Variants in ABAT observed in about 807,000 individuals in gnomAD.
The protein encoded by ABAT is 4-aminobutyrate aminotransferase.
In ABAT, 45 loss-of-function variants were observed where a neutral mutation model predicts 64.6. That is an observed-to-expected ratio of 0.70 (90% CI 0.55 to 0.89). The LOEUF is 0.89. ABAT is among the 40% of genes least tolerant of loss of function. ABAT has a pLI of 0.00. For synonymous variants in ABAT, 297 were observed against 250.5 expected (o/e 1.19, Z -1.75); for missense variants, 633 against 658.4 (o/e 0.96, Z 0.42).
At chr16:8,724,741 AAAAAC>A (rs1237692152) in intron 1 of ABAT, among the ~76,000 whole-genome samples, 101 of 4,370 alleles carry the variant, frequency 0.023, 10 homozygotes, top group African/African-American at 0.042. Context: ...GAAAAAAAAA[AAAAAC>A]AAAAAAAAAA....
At chr16:8,778,463 GTCT>G (rs1295559818) in intron 14 of ABAT, among the ~76,000 whole-genome samples, 1 of 152,084 alleles carries the variant, frequency 6.6e-6, no homozygotes, top group Non-Finnish European at 1.5e-5. Flanking sequence ...TCTCCAGATT[GTCT>G]TCTTCTTATA....
intron 1 of ABAT, among the ~76,000 whole-genome samples, chr16:8,726,321 C>T (rs1640985): frequency 0.26 from 37,947 of 144,364 alleles, 5,258 homozygotes; most frequent in Middle Eastern, 0.36. Context: ...AGTGCAGTGG[C>T]GCCATCTCGG....
intron 11 of ABAT, among the ~76,000 whole-genome samples, chr16:8,771,468 CTTTT>C (rs144671840): frequency 3.8e-5 from 5 of 130,054 alleles, no homozygotes; most frequent in Admixed American, 7.8e-5. Flanking sequence ...GTTTTTCTTT[CTTTT>C]TTTTTTTTTT....
intron 9 of ABAT, among the ~76,000 whole-genome samples, 160 bp downstream of exon 9, chr16:8,766,430 G>A (rs191688369): frequency 2.9e-4 from 44 of 152,274 alleles, no homozygotes; most frequent in Admixed American, 1.2e-3. Flanking sequence ...CAAGGCAGGC[G>A]GATCACCCAA....
chr16:8,749,900 A>G (rs560847511), intron 4 of ABAT, among the ~76,000 whole-genome samples: 1 of 151,562 alleles, frequency 6.6e-6, no homozygotes, highest in East Asian at 2.0e-4. Flanking sequence ...TTTTTAGTAG[A>G]TACAGGGTTT....
At chr16:8,676,581 C>A (rs950721318) in intron 1 of ABAT, among the ~76,000 whole-genome samples, 1 of 152,224 alleles carries the variant, frequency 6.6e-6, no homozygotes, top group Non-Finnish European at 1.5e-5. Context: ...CTGCTTACCC[C>A]GTGCGATCTT....
At chr16:8,732,612 T>A (rs1254053934) in intron 1 of ABAT, among the ~76,000 whole-genome samples, 1 of 151,584 alleles carries the variant, frequency 6.6e-6, no homozygotes, top group Non-Finnish European at 1.5e-5. Context: ...AAGTCTCCCA[T>A]GTCTACTTCT....
Position 8,768,853 on chromosome 16 carries a change from C to T in ABAT, c.696C>T (p.Ala232=). ...GCTTAGCGACCACGCACTCTAAAGC[C>T]ATTCACAAGATCGACATCCCTTCCT... ...MGCLATTHSK[A]IHKIDIPSFD... is the part of the protein sequence containing the mutation. The change falls in exon 11 of 16, where the codon GCC becomes GCT. Residue 232 remains alanine (A), a synonymous_variant. Transcript: ENST00000268251. 6.2e-7 allele frequency: 1 copy of T among 1,614,216 alleles called. No individual in the cohort carries two copies. Among genetic ancestry groups the T allele is most frequent in the Non-Finnish European group, 8.5e-7 (1 of 1,180,032 alleles).
intron 1 of ABAT, among the ~76,000 whole-genome samples, chr16:8,696,855 AG>A (rs1274102861): frequency 6.6e-6 from 1 of 152,200 alleles, no homozygotes; most frequent in Non-Finnish European, 1.5e-5. Flanking sequence ...GAAGCTCCTC[AG>A]GTTAAGTGAA....
Position 8,745,983 on chromosome 16 carries a change from T to C in ABAT, c.71-18T>C, listed in dbSNP as rs763801080. The stretch of plus-strand genomic sequence containing the variant: ...TCTGCTGTCACCAGGGATTTCTCAT[T>C]GTCTTTGTTTACTGCAGGATCCAGA... On this transcript the variant is annotated intron_variant, in intron 2 of 15. Transcript: ENST00000268251. The C allele has an allele frequency of 6.2e-7, 1 of 1,611,524 alleles. No homozygotes were observed. Among genetic ancestry groups the C allele is most frequent in the Non-Finnish European group, 8.5e-7 (1 of 1,177,772 alleles).
intron 14 of ABAT, among the ~76,000 whole-genome samples, chr16:8,778,937 G>A (rs531442322): frequency 1.3e-5 from 2 of 152,256 alleles, no homozygotes; most frequent in East Asian, 1.9e-4. Flanking sequence ...GGGGGCAGTG[G>A]GAGGAAACTA....
At chr16:8,728,678 C>T (rs114362869) in intron 1 of ABAT, among the ~76,000 whole-genome samples, 10,490 of 152,130 alleles carry the variant, frequency 0.069, 447 homozygotes, top group African/African-American at 0.097. Flanking sequence ...GATTGAGAAC[C>T]TTCTGGCCAA....
At chr16:8,704,085 G>A (rs1448590358) in intron 1 of ABAT, among the ~76,000 whole-genome samples, 1 of 152,178 alleles carries the variant, frequency 6.6e-6, no homozygotes, top group African/African-American at 2.4e-5. Flanking sequence ...GAGTCGAGAA[G>A]TTTCCCTTTG....
At chr16:8,745,509 C>A (rs916966380) in intron 2 of ABAT, among the ~76,000 whole-genome samples, 3 of 151,920 alleles carry the variant, frequency 2.0e-5, no homozygotes, top group African/African-American at 7.3e-5. Flanking sequence ...CCAGCCTGGG[C>A]AACATGGCGA....
At chr16:8,720,362 C>G (rs542845675) in intron 1 of ABAT, among the ~76,000 whole-genome samples, 13 of 152,244 alleles carry the variant, frequency 8.5e-5, no homozygotes, top group African/African-American at 3.1e-4. Context: ...GTTACTTTCC[C>G]CACATCATTC....
intron 6 of ABAT, among the ~76,000 whole-genome samples, chr16:8,759,471 C>T (rs1343935635): frequency 6.6e-6 from 1 of 151,834 alleles, no homozygotes; most frequent in Admixed American, 6.6e-5. Context: ...AAGTAGACCC[C>T]TCCCCTTACT....
chr16:8,699,162 G>C (rs2057765501), intron 1 of ABAT, among the ~76,000 whole-genome samples: 1 of 152,134 alleles, frequency 6.6e-6, no homozygotes, highest in South Asian at 2.1e-4. Context: ...AACCGCCCCA[G>C]ATCAAATGTG....
In ABAT at chr16:8,756,460, T is replaced by TA. The variant is rs2059652184; in HGVS notation, c.317-1296dup. ...ACATGTGTAGAACCTGCCGGTTTGT[T>TA]ACATAGGTAAACGTGTGCCATGGTG... On this transcript the variant is annotated intron_variant, in intron 5 of 15. Transcript: ENST00000268251. Among the ~76,000 whole-genome samples the TA allele has an allele frequency of 6.6e-5, 10 of 152,336 alleles. No homozygotes were observed. The South Asian group carries it at 2.1e-3, about 32-fold the overall frequency.
rs941391340 is a variant in ABAT, at chr16:8,751,202, G to A, written c.316+663G>A. On this transcript the variant is annotated intron_variant, in intron 5 of 15. Transcript: ENST00000268251. ...GACCGCAAGTGATCTGCCTGCCTCA[G>A]CCTCCCACAGTGCTGGGATTACAGG... Among the ~76,000 whole-genome samples the A allele has an allele frequency of 4.6e-5, 7 of 152,228 alleles. No individual in the cohort carries two copies. In the East Asian group the frequency reaches 1.3e-3, roughly 29 times the overall value.
Sources: allele counts gnomAD v4.1 joint callset (sites outside exome capture counted in the v4.1 genomes callset), GRCh38; gene constraint gnomAD v4.1.1; transcripts MANE v1.5; gene names NCBI Gene and HGNC (gene_info 2026-07-23, HGNC 2026-07-21).